Variants in ZC3H12B observed in about 807,000 individuals in gnomAD.
ZC3H12B encodes the protein probable ribonuclease ZC3H12B.
In ZC3H12B, 7 loss-of-function variants were observed where a neutral mutation model predicts 43.9. The observed-to-expected ratio is 0.16, with a 90% CI of 0.09 to 0.30. The LOEUF (loss-of-function observed/expected upper bound fraction) is 0.30. Ranked by LOEUF, ZC3H12B falls within the 10% of genes least tolerant of loss-of-function variation. The pLI is 1.00. For missense variants in ZC3H12B, 475 were observed against 670.2 expected, an observed-to-expected ratio of 0.71 and a Z score of 3.22; for synonymous variants, 222 against 241.7, an observed-to-expected ratio of 0.92 and a Z score of 0.76.
chrX:65,443,609 A>C (rs12847599), intron 3 of ZC3H12B, among the ~76,000 whole-genome samples: 11,220 of 112,555 alleles, frequency 0.1, 628 homozygotes, highest in Non-Finnish European at 0.16. Context: ...AATTAATTGC[A>C]GCAGGAACAT....
At chrX:65,059,283 A>G in the ZC3H12B span, among the ~76,000 whole-genome samples, 2 of 98,442 alleles carry the variant, frequency 2.0e-5, no homozygotes, top group Non-Finnish European at 4.0e-5. Flanking sequence ...GGTATTGCTC[A>G]AAAAATCTTT....
the ZC3H12B span, among the ~76,000 whole-genome samples, chrX:65,116,792 A>G: frequency 2.7e-5 from 3 of 109,692 alleles, no homozygotes; most frequent in African/African-American, 1.0e-4. Context: ...TTCAATTCCA[A>G]CCTATGGGAA....
chrX:65,332,518 G>A, the ZC3H12B span, among the ~76,000 whole-genome samples: 1 of 111,512 alleles, frequency 9.0e-6, no homozygotes, highest in East Asian at 2.8e-4. Context: ...CATGAACTGT[G>A]CAACTGTTGG....
the ZC3H12B span, among the ~76,000 whole-genome samples, chrX:65,163,913 G>A: frequency 9.0e-6 from 1 of 111,601 alleles, no homozygotes; most frequent in Non-Finnish European, 1.9e-5. Flanking sequence ...AGCCATCTTG[G>A]CTCCCCCCCT....
At chrX:65,407,875 C>T (rs1463974844) in intron 3 of ZC3H12B, among the ~76,000 whole-genome samples, 2 of 113,584 alleles carry the variant, frequency 1.8e-5, no homozygotes, top group African/African-American at 6.4e-5. Flanking sequence ...CCCTGAGGGC[C>T]GGAGCCCGCA....
the ZC3H12B span, among the ~76,000 whole-genome samples, chrX:65,220,908 T>A: frequency 9.0e-6 from 1 of 111,532 alleles, no homozygotes; most frequent in Admixed American, 9.5e-5. Context: ...ATTCTAATCA[T>A]CAGCACATGG....
intron 3 of ZC3H12B, among the ~76,000 whole-genome samples, chrX:65,430,765 C>A (rs2067150284): frequency 9.1e-6 from 1 of 110,362 alleles, no homozygotes; most frequent in South Asian, 3.9e-4. Context: ...TGGGTTGGTT[C>A]CAAGTCTTTG....
the ZC3H12B span, among the ~76,000 whole-genome samples, chrX:65,140,194 G>A: frequency 9.0e-6 from 1 of 111,245 alleles, no homozygotes; most frequent in East Asian, 2.8e-4. Context: ...AGCTTTCATC[G>A]TTTTACTGTT....
At chrX:65,396,959 CCTTT>C (rs1448742923) in intron 2 of ZC3H12B, among the ~76,000 whole-genome samples, 1 of 111,348 alleles carries the variant, frequency 9.0e-6, no homozygotes, top group African/African-American at 3.3e-5. Context: ...TTATGTAATG[CCTTT>C]CTTTGTCTTT....
At chrX:65,175,938 G>A in the ZC3H12B span, among the ~76,000 whole-genome samples, 1 of 112,192 alleles carries the variant, frequency 8.9e-6, no homozygotes, top group Non-Finnish European at 1.9e-5. Flanking sequence ...TGGGGCCCTG[G>A]GTTTCAAGCA....
the ZC3H12B span, among the ~76,000 whole-genome samples, chrX:65,333,217 A>G: frequency 3.6e-5 from 4 of 111,666 alleles, no homozygotes; most frequent in African/African-American, 1.3e-4. Context: ...AGGGGCTTTT[A>G]TTGGCTCTAT....
At chrX:65,496,849 A>C (rs1167446381) in intron 1 of ZC3H12B, among the ~76,000 whole-genome samples, 1 of 107,680 alleles carries the variant, frequency 9.3e-6, no homozygotes, top group African/African-American at 3.4e-5. Context: ...CCAGCTACTC[A>C]GGAGGTGGAA....
the ZC3H12B span, among the ~76,000 whole-genome samples, chrX:65,284,251 C>CAA: frequency 2.9e-3 from 198 of 67,538 alleles, 1 homozygote; most frequent in Middle Eastern, 9.8e-3. Flanking sequence ...CACACACACA[C>CAA]AAAAAAAAAA....
At chrX:65,229,419 A>G in the ZC3H12B span, among the ~76,000 whole-genome samples, 1 of 107,522 alleles carries the variant, frequency 9.3e-6, no homozygotes, top group Non-Finnish European at 1.9e-5. Context: ...TAGACCTAAA[A>G]CCATAAAAAC....
the ZC3H12B span, among the ~76,000 whole-genome samples, chrX:65,145,948 A>G: frequency 9.0e-6 from 1 of 111,414 alleles, no homozygotes; most frequent in East Asian, 2.8e-4. Context: ...TGATAACCTG[A>G]TGACAATGCC....
chrX:65,347,433 A>G, the ZC3H12B span, among the ~76,000 whole-genome samples: 1 of 112,173 alleles, frequency 8.9e-6, no homozygotes, highest in South Asian at 3.7e-4. Context: ...AAGGATATGA[A>G]CAGACAGTTC....
At chrX:65,239,475 T>A in the ZC3H12B span, among the ~76,000 whole-genome samples, 1 of 110,930 alleles carries the variant, frequency 9.0e-6, no homozygotes, top group Non-Finnish European at 1.9e-5. Flanking sequence ...TGTGTTTATT[T>A]GCACATGTGA....
At chrX:65,454,315 G>C (rs1044671204) in intron 3 of ZC3H12B, among the ~76,000 whole-genome samples, 1 of 112,492 alleles carries the variant, frequency 8.9e-6, no homozygotes, top group African/African-American at 3.2e-5. Flanking sequence ...TTAGCAAAGA[G>C]CACACCAGGA....
At chrX:65,192,749 T>G in the ZC3H12B span, among the ~76,000 whole-genome samples, 1 of 106,262 alleles carries the variant, frequency 9.4e-6, no homozygotes, top group Non-Finnish European at 1.9e-5. Flanking sequence ...GTTTTGCTAA[T>G]ATTTTATTGG....
Sources: gnomAD v4.1 joint callset for allele counts (sites outside exome capture counted in the v4.1 genomes callset) on GRCh38, gnomAD v4.1.1 for gene constraint, MANE v1.5 for transcripts, NCBI Gene and HGNC (gene_info 2026-07-23, HGNC 2026-07-21) for gene names.